The following EPHA6 variants were observed in gnomAD, a reference collection of about 807,000 sequenced individuals.
The protein encoded by EPHA6 is EPH receptor A6.
A neutral mutation model predicts 112.0 loss-of-function variants in EPHA6; 50 were observed. The ratio of observed to expected loss-of-function variants is 0.45; its 90% CI spans 0.36 to 0.56. The LOEUF is 0.56. Ranked by LOEUF, EPHA6 falls within the 20% of genes least tolerant of loss-of-function variation. The pLI is 0.00. For missense variants in EPHA6, 1,280 were observed against 1,417.4 expected, an observed-to-expected ratio of 0.90 and a Z score of 1.56; for synonymous variants, 529 against 490.7, an observed-to-expected ratio of 1.08 and a Z score of -1.03.
rs181646453 is a variant in EPHA6 at position 97,704,328 on chromosome 3, C to G, written c.2785-15933C>G. 2.6e-5 allele frequency among the ~76,000 whole-genome samples: 4 copies of G among 152,220 alleles called. No homozygotes were observed. In the East Asian group the frequency reaches 7.7e-4, roughly 29 times the overall value. Reference sequence around the variant, plus strand: ...AACATGGGTGATGGGTGGGTATCACCCAATCCATTGAGACCTTGGATAGAA... The same window carrying G: ...AACATGGGTGATGGGTGGGTATCACGCAATCCATTGAGACCTTGGATAGAA... On this transcript the variant is annotated intron_variant, in intron 14 of 17. Coordinates refer to ENST00000389672, the MANE Select transcript of EPHA6 (RefSeq NM_001080448.3).
chr3:96,977,097 T>C (rs1290606134), intron 2 of EPHA6, among the ~76,000 whole-genome samples: 26 of 152,200 alleles, frequency 1.7e-4, no homozygotes, highest in Non-Finnish European at 5.9e-5. Context: ...TATAGGCCAC[T>C]ACATGCTGCC....
intron 6 of EPHA6, among the ~76,000 whole-genome samples, chr3:97,447,235 C>A (rs988948169): frequency 6.6e-6 from 1 of 152,092 alleles, no homozygotes; most frequent in Non-Finnish European, 1.5e-5. Flanking sequence ...AAAGCATCAC[C>A]AGCAAATACA....
intron 4 of EPHA6, among the ~76,000 whole-genome samples, chr3:97,237,572 T>C (rs2078717477): frequency 1.3e-5 from 2 of 152,046 alleles, no homozygotes; most frequent in South Asian, 4.1e-4. Context: ...CCACTCAATA[T>C]CATCTGTTTG....
At chr3:97,531,890 A>G (rs1296217682) in intron 10 of EPHA6, among the ~76,000 whole-genome samples, 1 of 152,012 alleles carries the variant, frequency 6.6e-6, no homozygotes, top group Non-Finnish European at 1.5e-5. Flanking sequence ...TTCATACATC[A>G]ATTGACCCTA....
intron 3 of EPHA6, among the ~76,000 whole-genome samples, chr3:97,057,422 A>C (rs889698944): frequency 2.6e-5 from 4 of 152,140 alleles, no homozygotes; most frequent in African/African-American, 9.7e-5. Context: ...CTCCCTCTTC[A>C]TGTGGTCTTC....
At chr3:97,090,830 T>G (rs574078693) in intron 3 of EPHA6, among the ~76,000 whole-genome samples, 1 of 152,204 alleles carries the variant, frequency 6.6e-6, no homozygotes, top group Admixed American at 6.6e-5. Flanking sequence ...GAGATTTATT[T>G]TTTAAATTGC....
chr3:97,286,549 T>C (rs2080470875), intron 5 of EPHA6, among the ~76,000 whole-genome samples: 1 of 152,172 alleles, frequency 6.6e-6, no homozygotes, highest in Non-Finnish European at 1.5e-5. Flanking sequence ...TGGTTGCAAA[T>C]AGGTGAACTT....
chr3:97,410,473 C>A (rs1015653123), intron 6 of EPHA6, among the ~76,000 whole-genome samples: 5 of 152,038 alleles, frequency 3.3e-5, no homozygotes, highest in African/African-American at 1.2e-4. Flanking sequence ...GCTACTCTTA[C>A]CTCCATCTGT....
At chr3:97,167,868 TTTA>T (rs2076580562) in intron 3 of EPHA6, among the ~76,000 whole-genome samples, 1 of 151,914 alleles carries the variant, frequency 6.6e-6, no homozygotes, top group Non-Finnish European at 1.5e-5. Context: ...GCTCACCATT[TTTA>T]TTATTAGTAC....
chr3:97,618,636 C>A (rs1247597861), intron 13 of EPHA6, among the ~76,000 whole-genome samples: 1 of 152,120 alleles, frequency 6.6e-6, no homozygotes, highest in Non-Finnish European at 1.5e-5. Flanking sequence ...ATAAACACCT[C>A]TATTCACATA....
intron 11 of EPHA6, among the ~76,000 whole-genome samples, chr3:97,561,638 T>A (rs912028871): frequency 6.6e-6 from 1 of 152,106 alleles, no homozygotes; most frequent in African/African-American, 2.4e-5. Context: ...AGTGTTGATA[T>A]AGAACTGTTG....
In EPHA6 at chr3:97,424,111, A is replaced by G. The variant is rs56795855; in HGVS notation, c.1731+18837A>G. On this transcript the variant is annotated intron_variant, in intron 6 of 17. Coordinates refer to ENST00000389672, the MANE Select transcript of EPHA6 (RefSeq NM_001080448.3). ...CAATCATGGTGGAAGGCGAATGAGG[A>G]GCAAAGTTATGTCTTACATGGCAGC... 7.5e-3 allele frequency among the ~76,000 whole-genome samples: 1,138 copies of G among 152,292 alleles called. 16 individuals carry two copies. The highest frequency in any genetic ancestry group is 0.025 in the African/African-American group (1,030 of 41,564).
chr3:97,413,583 G>C (rs778677399), intron 6 of EPHA6, among the ~76,000 whole-genome samples: 9 of 151,984 alleles, frequency 5.9e-5, no homozygotes, highest in Non-Finnish European at 1.2e-4. Context: ...TTTGAAAAGT[G>C]AGTGCAATGG....
At chr3:96,967,305 A>G (rs1302009306) in intron 2 of EPHA6, among the ~76,000 whole-genome samples, 1 of 150,356 alleles carries the variant, frequency 6.7e-6, no homozygotes, top group Non-Finnish European at 1.5e-5. Flanking sequence ...AATATATGAT[A>G]TATTACTGTA....
intron 1 of EPHA6, among the ~76,000 whole-genome samples, chr3:96,853,850 T>C (rs1336734786): frequency 3.3e-5 from 5 of 151,992 alleles, no homozygotes; most frequent in Non-Finnish European, 5.9e-5. Context: ...ACGCATGAAG[T>C]TGATGTTACT....
chr3:97,691,590 A>G (rs1010410986), intron 14 of EPHA6, among the ~76,000 whole-genome samples: 1 of 152,138 alleles, frequency 6.6e-6, no homozygotes, highest in African/African-American at 2.4e-5. Context: ...ATATACATGT[A>G]TTTGCATACT....
At chr3:97,557,099 A>T (rs1245743534) in intron 11 of EPHA6, among the ~76,000 whole-genome samples, 2 of 152,054 alleles carry the variant, frequency 1.3e-5, no homozygotes, top group East Asian at 3.8e-4. Context: ...ATAGATTCAT[A>T]GAAGTGTAAT....
chr3:97,315,944 A>G (rs2081809912), intron 5 of EPHA6, among the ~76,000 whole-genome samples: 2 of 151,890 alleles, frequency 1.3e-5, no homozygotes, highest in South Asian at 4.1e-4. Context: ...ATGCTATCCC[A>G]TAAAGCTATC....
In EPHA6 at chr3:97,493,623, C is replaced by CTGTGTGTGTGTGTGTGTGTGTGTG. The variant is rs373276812; in HGVS notation, c.2200+9583_2200+9584insGTGTGTGTGTGTGTGTGTGTGTGT. On this transcript the variant is annotated intron_variant, in intron 10 of 17. Coordinates refer to ENST00000389672, the MANE Select transcript of EPHA6 (RefSeq NM_001080448.3). Reference sequence around the variant, plus strand: ...TTTTGGGGGGACACAATTTAGTCCTCTGTGTGTGTGTGTGTGTGTAGTGGG... The same window carrying CTGTGTGTGTGTGTGTGTGTGTGTG: ...TTTTGGGGGGACACAATTTAGTCCTCTGTGTGTGTGTGTGTGTGTGTGTGTGTGTGTGTGTGTGTGTGTAGTGGG... Among the ~76,000 whole-genome samples, 861 of 147,360 alleles carry CTGTGTGTGTGTGTGTGTGTGTGTG rather than the reference C, an allele frequency of 5.8e-3. 11 individuals carry two copies. Among genetic ancestry groups the CTGTGTGTGTGTGTGTGTGTGTGTG allele is most frequent in the African/African-American group, 0.019 (779 of 40,220 alleles).
Sources: gnomAD v4.1 joint callset for allele counts (sites outside exome capture counted in the v4.1 genomes callset) on GRCh38, gnomAD v4.1.1 for gene constraint, MANE v1.5 for transcripts, NCBI Gene and HGNC (gene_info 2026-07-23, HGNC 2026-07-21) for gene names.